The following RAD51 variants were observed in gnomAD, a reference collection of about 807,000 sequenced individuals.
The protein encoded by RAD51 is RAD51 recombinase, also known as DNA repair protein RAD51 homolog 1.
A neutral mutation model predicts 41.5 loss-of-function variants in RAD51; 14 were observed. That is an observed-to-expected ratio of 0.34 (90% CI 0.22 to 0.53). The LOEUF (loss-of-function observed/expected upper bound fraction) is 0.53. Ranked by LOEUF, RAD51 falls within the 20% of genes least tolerant of loss-of-function variation. The pLI, the probability that RAD51 is intolerant of heterozygous loss-of-function variation, is 0.95. For missense variants in RAD51, 234 were observed against 422.0 expected, an observed-to-expected ratio of 0.55 and a Z score of 3.90; for synonymous variants, 136 against 148.6, an observed-to-expected ratio of 0.92 and a Z score of 0.62.
In RAD51 at chr15:40,728,815, T is replaced by C. The variant is rs1223584622; in HGVS notation, c.635T>C (p.Val212Ala). The C allele has an allele frequency of 1.2e-6, 2 of 1,611,932 alleles. No homozygotes were observed. Among genetic ancestry groups the C allele is most frequent in the Non-Finnish European group, 1.7e-6 (2 of 1,178,126 alleles). Residue 212 changes from valine to alanine, a missense_variant, in exon 7 of 10, where the codon GTA (valine) becomes GCA (alanine). Physicochemically the swap from Val to Ala is moderately conservative, Grantham distance 64. This residue lies in a region of RAD51 where 134 missense variants were observed against 286.5 expected (regional missense o/e 0.47). Coordinates refer to ENST00000267868, the MANE Select transcript of RAD51 (RefSeq NM_002875.5). The part of the protein sequence containing the change: ...QLLYQASAMM[V>A]ESRYALLIVD... The stretch of plus-strand genomic sequence containing the variant: ...CTTTATCAAGCATCAGCCATGATGG[T>C]AGAATCTAGGTATGTGTTCAGTATA...
At chr15:40,706,138 A>G in intron 3 of RAD51, 39 bp from the exon 4 acceptor site, 3 of 1,469,250 alleles carry the variant, frequency 2.0e-6, no homozygotes, top group African/African-American at 2.8e-5. Flanking sequence ...GTGGTAAGGA[A>G]TATTATTTTG....
intron 3 of RAD51, among the ~76,000 whole-genome samples, chr15:40,703,293 C>G (rs1415454966): frequency 6.6e-6 from 1 of 152,154 alleles, no homozygotes; most frequent in Non-Finnish European, 1.5e-5. Flanking sequence ...CCAGGCTGGT[C>G]TCAAAATCCT....
At chr15:40,702,132 G>A (rs572709425) in intron 3 of RAD51, among the ~76,000 whole-genome samples, 2 of 152,190 alleles carry the variant, frequency 1.3e-5, no homozygotes, top group South Asian at 2.1e-4. Flanking sequence ...TACTGTTAGC[G>A]TTAGATAAAT....
At chr15:40,723,327 GCAATTT>G (rs912969985) in intron 6 of RAD51, among the ~76,000 whole-genome samples, 22 of 152,226 alleles carry the variant, frequency 1.4e-4, no homozygotes, top group Admixed American at 5.2e-4. Context: ...ATATGATGCA[GCAATTT>G]CACTCTAGTT....
chr15:40,724,889 A>ATTTTTTTTTTTTTTTTTTTT (rs34086110), intron 6 of RAD51, among the ~76,000 whole-genome samples: 165 of 55,368 alleles, frequency 3.0e-3, no homozygotes, highest in Non-Finnish European at 3.7e-3. Flanking sequence ...ATTTTTTTTA[A>ATTTTTTTTTTTTTTTTTTTT]TTTTTTTTTT....
chr15:40,704,822 A>G (rs963849158), intron 3 of RAD51, among the ~76,000 whole-genome samples: 1 of 151,506 alleles, frequency 6.6e-6, no homozygotes, highest in Non-Finnish European at 1.5e-5. Context: ...GGCGCGTGCC[A>G]CCACGCCCGG....
chr15:40,731,587 C>A lies in RAD51; in HGVS notation c.*409C>A. 1 of 324,958 alleles carries A rather than the reference C, an allele frequency of 3.1e-6. No homozygotes were observed. Among genetic ancestry groups the A allele is most frequent in the Non-Finnish European group, 5.8e-6 (1 of 173,796 alleles). The allele number at this position is 324,958 out of a possible 1,614,324, so 20.1% of individuals were successfully genotyped here. A position where few individuals can be genotyped will look rare whatever the true frequency, so the allele number is the denominator to read the frequency against. ...AAAATAAAATGCCTCAGCTATGTAGCAAAGGGAATGGGTCTGCACAGATTC... is the reference window on the plus strand; with the variant it reads ...AAAATAAAATGCCTCAGCTATGTAGAAAAGGGAATGGGTCTGCACAGATTC... On this transcript the variant is annotated 3_prime_UTR_variant, in exon 10 of 10. Coordinates refer to ENST00000267868, the MANE Select transcript of RAD51 (RefSeq NM_002875.5).
At chr15:40,698,917 T>C (rs1339853218) in intron 2 of RAD51, 72 bp downstream of exon 2, 2 of 1,443,776 alleles carry the variant, frequency 1.4e-6, no homozygotes. Context: ...TTACAACCTT[T>C]ACATAAAATA....
chr15:40,715,446 C>T (rs2141850728), intron 5 of RAD51, among the ~76,000 whole-genome samples: 1 of 152,188 alleles, frequency 6.6e-6, no homozygotes, highest in East Asian at 1.9e-4. Flanking sequence ...CACATATATG[C>T]AAAGATAAAT....
chr15:40,711,030 TAA>T (rs2141841170), intron 5 of RAD51, among the ~76,000 whole-genome samples: 1 of 152,322 alleles, frequency 6.6e-6, no homozygotes, highest in Non-Finnish European at 1.5e-5. Context: ...GTAGGTTAAA[TAA>T]TTGCCCAATA....
At chr15:40,724,476 G>C (rs539607235) in intron 6 of RAD51, among the ~76,000 whole-genome samples, 2 of 152,108 alleles carry the variant, frequency 1.3e-5, no homozygotes, top group African/African-American at 4.8e-5. Context: ...TTCAGGATTT[G>C]TTAATGAATA....
intron 5 of RAD51, among the ~76,000 whole-genome samples, chr15:40,715,095 C>T (rs528437357): frequency 9.9e-5 from 15 of 152,198 alleles, no homozygotes; most frequent in African/African-American, 1.7e-4. Context: ...TGGTGGCTCA[C>T]GCCTGTAATC....
intron 5 of RAD51, among the ~76,000 whole-genome samples, chr15:40,714,529 A>G (rs1309520517): frequency 6.6e-6 from 1 of 152,268 alleles, no homozygotes; most frequent in Non-Finnish European, 1.5e-5. Flanking sequence ...GTCTGTCAAC[A>G]ATAAACTAAA....
intron 2 of RAD51, among the ~76,000 whole-genome samples, chr15:40,699,513 T>C (rs372290309): frequency 1.3e-5 from 2 of 152,212 alleles, no homozygotes; most frequent in African/African-American, 4.8e-5. Context: ...CTTGAACTCC[T>C]GGCCTCAAGC....
At chr15:40,723,259 C>T (rs1896371374) in intron 6 of RAD51, among the ~76,000 whole-genome samples, 1 of 152,050 alleles carries the variant, frequency 6.6e-6, no homozygotes, top group Admixed American at 6.6e-5. Context: ...TGAAAATATA[C>T]AACGGTGGTC....
At chr15:40,713,319 A>C (rs1316607094) in intron 5 of RAD51, among the ~76,000 whole-genome samples, 2 of 142,286 alleles carry the variant, frequency 1.4e-5, no homozygotes, top group Non-Finnish European at 3.0e-5. Context: ...ATCTTGGCTC[A>C]CTGCAACCTC....
At chr15:40,730,520 C>CTTTTTTTTTTTTTTTTTT (rs778467789) in intron 9 of RAD51, among the ~76,000 whole-genome samples, 2 of 113,104 alleles carry the variant, frequency 1.8e-5, no homozygotes, top group South Asian at 3.3e-4. Context: ...AATTTTTTTT[C>CTTTTTTTTTTTTTTTTTT]TTTTTTTTTT....
chr15:40,719,322 G>A (rs568105509), intron 6 of RAD51, among the ~76,000 whole-genome samples: 7 of 151,848 alleles, frequency 4.6e-5, no homozygotes, highest in African/African-American at 1.7e-4. Context: ...ACTTCCCAAA[G>A]TGCTGGGATT....
intron 6 of RAD51, among the ~76,000 whole-genome samples, chr15:40,722,438 A>G (rs1896327939): frequency 6.6e-6 from 1 of 151,952 alleles, no homozygotes; most frequent in East Asian, 1.9e-4. Context: ...AAAAAAGGAC[A>G]AAAACTGTAT....
Sources: gnomAD v4.1 joint callset for allele counts (sites outside exome capture counted in the v4.1 genomes callset) on GRCh38, gnomAD v4.1.1 for gene constraint, gnomAD v4.1.1 regional missense constraint, MANE v1.5 for transcripts, NCBI Gene and HGNC (gene_info 2026-07-23, HGNC 2026-07-21) for gene names.